The following ABHD16A variants were observed in gnomAD, a reference collection of about 807,000 sequenced individuals.
ABHD16A encodes the protein phosphatidylserine lipase ABHD16A.
Under a neutral mutation model 89.8 loss-of-function variants are expected in ABHD16A, and 47 were observed. That is an observed-to-expected ratio of 0.52 (90% CI 0.41 to 0.67). The LOEUF is 0.67. Among genes scored for constraint, ABHD16A ranks in the 30% least tolerant of loss-of-function variants. ABHD16A has a pLI of 0.00. For missense variants in ABHD16A, 580 were observed against 734.6 expected (o/e 0.79, Z 2.43); for synonymous variants, 251 against 280.4 (o/e 0.90, Z 1.05).
Position 31,690,523 on chromosome 6 carries a change from T to C in ABHD16A, c.907+16A>G. 1.9e-6 allele frequency: 3 copies of C among 1,612,688 alleles called. No individual in the cohort carries two copies. The highest frequency in any genetic ancestry group is 2.5e-6 in the Non-Finnish European group (3 of 1,179,712). ...TTTCAAAGGGCGGAGATAAGGAGGC[T>C]GAGTCACCGTCCTACCTTCCAGGGG... On this transcript the variant is annotated intron_variant, in intron 10 of 19. Transcript: ENST00000395952. The surrounding 1 kb of genome is among the most constrained non-coding windows in gnomAD (Gnocchi z 4.1).
At chr6:31,700,515 C>CT (rs1804861364) in intron 4 of ABHD16A, among the ~76,000 whole-genome samples, 1 of 152,182 alleles carries the variant, frequency 6.6e-6, no homozygotes, top group Non-Finnish European at 1.5e-5. Flanking sequence ...ATGCTGTATT[C>CT]TTGTACATCT....
intron 1 of ABHD16A, chr6:31,702,512 T>A: frequency 9.0e-7 from 1 of 1,113,984 alleles, no homozygotes; most frequent in Non-Finnish European, 1.2e-6. Context: ...TAAGAGTAGT[T>A]GACTAAGAAG....
In ABHD16A at chr6:31,702,092, A is replaced by G; in HGVS notation, c.171T>C (p.Ala57=). The part of the protein sequence containing the change: ...YYQPRALEKH[A]DSILALASVF... ...GACATACCAGTGCCAGGATGCTGTC[A>G]GCATGTTTCTCCAGGGCACGGGGCT... is the stretch of plus-strand genomic sequence containing the variant. Residue 57 remains alanine (A), a synonymous_variant, in exon 2 of 20, where the codon GCT becomes GCC. Coordinates refer to ENST00000395952, the MANE Select transcript of ABHD16A (RefSeq NM_021160.3). 1 of 1,613,122 alleles carries G rather than the reference A, an allele frequency of 6.2e-7. No individual in the cohort carries two copies.
At chr6:31,697,262 CT>C (rs1404793438) in intron 4 of ABHD16A, among the ~76,000 whole-genome samples, 1 of 152,202 alleles carries the variant, frequency 6.6e-6, no homozygotes, top group East Asian at 1.9e-4. Flanking sequence ...CAGTTTGTGT[CT>C]TTATAGACAA....
chr6:31,693,042 G>A lies in ABHD16A; in HGVS notation c.611C>T (p.Pro204Leu). 6.2e-7 allele frequency: 1 copy of A among 1,614,198 alleles called. No individual in the cohort carries two copies. The highest frequency in any genetic ancestry group is 1.1e-5 in the South Asian group (1 of 91,088). The change falls in exon 7 of 20, where the codon CCT (proline) becomes CTT (leucine). Residue 204 changes from proline to leucine, a missense_variant. By Grantham distance (98) the Pro-to-Leu change is moderately conservative. This residue lies in a region of ABHD16A where 415 missense variants were observed against 568.8 expected (regional missense o/e 0.73). Transcript: ENST00000395952. This position sits in a 1 kb window ranked among gnomAD's most constrained non-coding sequence, Gnocchi z 5.0. The part of the protein sequence containing the change: ...DTLLNRVKKL[P>L]CQITSYLVAH... ...TGTTTCCCACCTGGTGATCTGACAA[G>A]GCAGCTTCTTAACCCGGTTGAGGAG...
At position 31,693,239 on chromosome 6, in the gene ABHD16A, C is replaced by T. The variant is rs537836643; in HGVS notation, c.504-90G>A. The T allele has an allele frequency of 4.8e-5, 76 of 1,587,634 alleles. No individual in the cohort carries two copies. In the Middle Eastern group the frequency reaches 8.5e-4, roughly 18 times the overall value. On this transcript the variant is annotated intron_variant, in intron 6 of 19. Transcript: ENST00000395952. The surrounding 1 kb of genome is among the most constrained non-coding windows in gnomAD (Gnocchi z 5.0). Reference sequence around the variant, plus strand: ...GGAGAACAGTGGGGTCTAGGAACGACATAATGGCATTGGAAGGCAGGCACT... The same window carrying T: ...GGAGAACAGTGGGGTCTAGGAACGATATAATGGCATTGGAAGGCAGGCACT...
intron 5 of ABHD16A, among the ~76,000 whole-genome samples, chr6:31,694,390 T>TTTTTTG (rs1804197692): frequency 8.7e-6 from 1 of 115,024 alleles, no homozygotes; most frequent in South Asian, 3.6e-4. Context: ...GCTGTGTCTT[T>TTTTTTG]TTTTTTTTTT....
At position 31,703,288 on chromosome 6, in the gene ABHD16A, G is replaced by A. The variant is rs931634990; in HGVS notation, c.-7C>T. On this transcript the variant is annotated 5_prime_UTR_variant, in exon 1 of 20. Coordinates refer to ENST00000395952, the MANE Select transcript of ABHD16A (RefSeq NM_021160.3). ...AGCTCAGCAGCTTCGCCATGGCCCC[G>A]GCTCGGGCCGCTGCTCTTCCAGCAG... The A allele has an allele frequency of 2.2e-5, 30 of 1,344,056 alleles. No individual in the cohort carries two copies. Among genetic ancestry groups the A allele is most frequent in the African/African-American group, 4.5e-5 (3 of 66,456 alleles). 83.3% of individuals were successfully genotyped at this position (1,344,056 alleles called of 1,614,324 possible).
At position 31,693,755 on chromosome 6, in the gene ABHD16A, G is replaced by A. The variant is rs1319571843; in HGVS notation, c.430-323C>T. On this transcript the variant is annotated intron_variant, in intron 5 of 19. Transcript: ENST00000395952. The surrounding 1 kb of genome is among the most constrained non-coding windows in gnomAD (Gnocchi z 5.0). ...GAAGGTGCTAGTGCTTTTGAGTGAC[G>A]GGTAGTAGGGGTCGCTGGCTGGTCA... Among the ~76,000 whole-genome samples the A allele has an allele frequency of 5.9e-5, 9 of 152,170 alleles. No individual in the cohort carries two copies. The highest frequency in any genetic ancestry group is 1.9e-4 in the African/African-American group (8 of 41,440).
chr6:31,698,329 G>T lies in ABHD16A; in HGVS notation c.344-1296C>A, dbSNP rs535673737. ...AGATGGGACTGAAAGGATTCCAATG[G>T]GAACTCCAACCCTAACTGTGGTGCT... On this transcript the variant is annotated intron_variant, in intron 4 of 19. Transcript: ENST00000395952. The surrounding 1 kb of genome is among the most constrained non-coding windows in gnomAD (Gnocchi z 4.1). 1.3e-5 allele frequency among the ~76,000 whole-genome samples: 2 copies of T among 151,460 alleles called. No homozygotes were observed. The highest frequency in any genetic ancestry group is 2.9e-5 in the Non-Finnish European group (2 of 67,926).
chr6:31,689,487 G>T, intron 12 of ABHD16A, 94 bp downstream of exon 12: 1 of 1,414,848 alleles, frequency 7.1e-7, no homozygotes, highest in African/African-American at 1.5e-5. Context: ...CTTCTTCCTT[G>T]AGCCTCCACC....
intron 5 of ABHD16A, among the ~76,000 whole-genome samples, chr6:31,694,947 G>T (rs566231159): frequency 6.6e-6 from 1 of 152,260 alleles, no homozygotes; most frequent in Admixed American, 6.5e-5. Flanking sequence ...CTATGACTCC[G>T]AATGGGTCAC....
chr6:31,700,827 T>C, intron 4 of ABHD16A, 115 bp downstream of exon 4: 3 of 800,100 alleles, frequency 3.7e-6, no homozygotes, highest in Non-Finnish European at 6.3e-6. Context: ...CCTTAAACCA[T>C]TCTCAATGAT....
chr6:31,692,902 TAC>T, intron 7 of ABHD16A, 123 bp downstream of exon 7: 1 of 1,332,554 alleles, frequency 7.5e-7, no homozygotes, highest in Admixed American at 1.9e-5. Flanking sequence ...ATAAATGATC[TAC>T]ACAAACCATA....
At position 31,689,620 on chromosome 6, in the gene ABHD16A, C is replaced by A; in HGVS notation, c.1042G>T (p.Asp348Tyr). ...AIHRLGFQPQ[D>Y]IIIYAWSIGG... is the part of the protein sequence containing the mutation. ...ATGGACCAGGCGTAGATGATGATGT[C>A]CTGGGGCTGGAAGCCTAGGCGGTGG... Residue 348 changes from aspartate (D) to tyrosine (Y), a missense_variant, in exon 12 of 20, where the codon GAC becomes TAC. Coordinates refer to ENST00000395952, the MANE Select transcript of ABHD16A (RefSeq NM_021160.3). The A allele has an allele frequency of 6.2e-7, 1 of 1,610,966 alleles. No individual in the cohort carries two copies. The highest frequency in any genetic ancestry group is 8.5e-7 in the Non-Finnish European group (1 of 1,179,022).
chr6:31,688,446 G>T lies in ABHD16A; in HGVS notation c.1251-141C>A. On this transcript the variant is annotated intron_variant, in intron 14 of 19. Coordinates refer to ENST00000395952, the MANE Select transcript of ABHD16A (RefSeq NM_021160.3). This position sits in a 1 kb window ranked among gnomAD's most constrained non-coding sequence, Gnocchi z 4.9. ...TTGACCTAGCCCTTCACTCAGGGGT[G>T]AGAGGGGATTATTTAAGGGGCATGG... 1.1e-6 allele frequency: 1 copy of T among 909,586 alleles called. No homozygotes were observed. The highest frequency in any genetic ancestry group is 1.7e-6 in the Non-Finnish European group (1 of 580,426). 56.3% of individuals were successfully genotyped at this position (909,586 alleles called of 1,614,324 possible).
chr6:31,701,031 G>A lies in ABHD16A; in HGVS notation c.257-3C>T, dbSNP rs1804929626. 6.2e-7 allele frequency: 1 copy of A among 1,611,536 alleles called. No individual in the cohort carries two copies. The highest frequency in any genetic ancestry group is 1.3e-5 in the African/African-American group (1 of 74,884). On this transcript the variant is annotated splice_region_variant and splice_polypyrimidine_tract_variant and intron_variant, in intron 3 of 19. Coordinates refer to ENST00000395952, the MANE Select transcript of ABHD16A (RefSeq NM_021160.3). Reference sequence around the variant, plus strand: ...CACTTTGGACAAACTCAAGTAACCTGGGAAGGGAGAGGGACAATGTGAGAC... The same window carrying A: ...CACTTTGGACAAACTCAAGTAACCTAGGAAGGGAGAGGGACAATGTGAGAC...
In ABHD16A at chr6:31,698,635, G is replaced by A. The variant is rs1325161452; in HGVS notation, c.344-1602C>T. 5.3e-5 allele frequency among the ~76,000 whole-genome samples: 8 copies of A among 151,832 alleles called. No homozygotes were observed. The highest frequency in any genetic ancestry group is 1.2e-4 in the African/African-American group (5 of 41,322). ...CAAATAGCTGGGATTACAAGCGCCCGCCACCATGCACAGCTAATTTTTTCT... is the reference window on the plus strand; with the variant it reads ...CAAATAGCTGGGATTACAAGCGCCCACCACCATGCACAGCTAATTTTTTCT... On this transcript the variant is annotated intron_variant, in intron 4 of 19. Transcript: ENST00000395952. This position sits in a 1 kb window ranked among gnomAD's most constrained non-coding sequence, Gnocchi z 4.1.
chr6:31,702,143 A>ATATC lies in ABHD16A; in HGVS notation c.133-14_133-13insGATA. 1 of 1,613,004 alleles carries ATATC rather than the reference A, an allele frequency of 6.2e-7. No homozygotes were observed. The highest frequency in any genetic ancestry group is 8.5e-7 in the Non-Finnish European group (1 of 1,179,976). On this transcript the variant is annotated splice_polypyrimidine_tract_variant and intron_variant, in intron 1 of 19. Transcript: ENST00000395952. ...GATAGTACGTATCCTGCCAAAACAG[A>ATATC]TGGCCTCCTTAAGGACCCTGCCCAC...
Sources: allele counts gnomAD v4.1 joint callset (sites outside exome capture counted in the v4.1 genomes callset), GRCh38; gene constraint gnomAD v4.1.1; regional missense constraint gnomAD v4.1.1; non-coding constraint Gnocchi (gnomAD v3.1); transcripts MANE v1.5; gene names NCBI Gene and HGNC (gene_info 2026-07-23, HGNC 2026-07-21).